Variants in RHBDD1 observed in about 807,000 individuals in gnomAD.
The protein encoded by RHBDD1 is rhomboid-related protein 4.
Under a neutral mutation model 36.3 loss-of-function variants are expected in RHBDD1, and 38 were observed. The ratio of observed to expected loss-of-function variants is 1.05; its 90% CI spans 0.81 to 1.37. The LOEUF (loss-of-function observed/expected upper bound fraction) is 1.37, where lower values mean the gene tolerates loss of function less well. RHBDD1 is among the 40% of genes most tolerant of loss of function. The pLI, the probability that RHBDD1 is intolerant of heterozygous loss-of-function variation, is 0.00. For missense variants in RHBDD1, 393 were observed against 377.6 expected, an observed-to-expected ratio of 1.04 and a Z score of -0.34; for synonymous variants, 151 against 136.5, an observed-to-expected ratio of 1.11 and a Z score of -0.74.
chr2:226,926,578 A>T (rs1949686282), intron 8 of RHBDD1, among the ~76,000 whole-genome samples: 1 of 152,052 alleles, frequency 6.6e-6, no homozygotes, highest in Admixed American at 6.6e-5. Context: ...GATTAATTGG[A>T]TTTGGGTTAC....
intron 8 of RHBDD1, among the ~76,000 whole-genome samples, chr2:226,929,265 A>C (rs1199976586): frequency 6.6e-6 from 1 of 152,138 alleles, no homozygotes; most frequent in Non-Finnish European, 1.5e-5. Context: ...AATGCTAGCA[A>C]ACTGAATCCA....
the RHBDD1 span, among the ~76,000 whole-genome samples, chr2:226,818,322 G>C: frequency 1.3e-5 from 2 of 150,248 alleles, no homozygotes; most frequent in African/African-American, 4.9e-5. Flanking sequence ...ACCACACCTG[G>C]CTAATTTTTT....
chr2:226,915,169 T>C (rs1466595730), intron 8 of RHBDD1, among the ~76,000 whole-genome samples: 6 of 152,034 alleles, frequency 3.9e-5, no homozygotes, highest in African/African-American at 1.4e-4. Flanking sequence ...AGCTAAGTGT[T>C]AGACGTAGGG....
rs1263041941 is a variant in RHBDD1 at position 226,914,207 on chromosome 2, G to T, written c.713-1G>T. 1 of 1,613,328 alleles carries T rather than the reference G, an allele frequency of 6.2e-7. No individual in the cohort carries two copies. The highest frequency in any genetic ancestry group is 2.2e-5 in the East Asian group (1 of 44,860). The stretch of plus-strand genomic sequence containing the variant: ...CTAGAACCTTTTCCTTGTGCCTTTA[G>T]GCAGCTCTGGATATCAGGATTATTA... On this transcript the variant is annotated splice_acceptor_variant, in intron 7 of 8. Coordinates refer to ENST00000392062, the MANE Select transcript of RHBDD1 (RefSeq NM_001167608.3). LOFTEE classifies it high-confidence loss of function.
intron 8 of RHBDD1, among the ~76,000 whole-genome samples, chr2:226,917,216 A>G (rs900769286): frequency 6.6e-6 from 1 of 152,142 alleles, no homozygotes; most frequent in Non-Finnish European, 1.5e-5. Flanking sequence ...CAGAGATTTC[A>G]GAAAGTCATC....
chr2:226,864,137 C>T (rs761157108), intron 3 of RHBDD1, among the ~76,000 whole-genome samples: 3 of 152,062 alleles, frequency 2.0e-5, no homozygotes, highest in Non-Finnish European at 4.4e-5. Context: ...AATGTATGCT[C>T]GTGTCTTAAA....
chr2:226,848,445 G>T (rs1346034045), intron 3 of RHBDD1, among the ~76,000 whole-genome samples: 2 of 152,206 alleles, frequency 1.3e-5, no homozygotes, highest in African/African-American at 4.8e-5. Flanking sequence ...CTAGTAGACA[G>T]TTGGGGGTGA....
chr2:226,807,126 T>C, the RHBDD1 span, among the ~76,000 whole-genome samples: 1 of 152,246 alleles, frequency 6.6e-6, no homozygotes, highest in Non-Finnish European at 1.5e-5. Flanking sequence ...GAACACTGAA[T>C]GTGATTCAGT....
chr2:226,851,453 C>T (rs1480252569), intron 3 of RHBDD1, among the ~76,000 whole-genome samples: 1 of 152,036 alleles, frequency 6.6e-6, no homozygotes, highest in Non-Finnish European at 1.5e-5. Context: ...ATATCCAGGA[C>T]CACAAATCTA....
intron 5 of RHBDD1, among the ~76,000 whole-genome samples, chr2:226,874,131 C>T (rs1357906527): frequency 6.6e-6 from 1 of 152,112 alleles, no homozygotes; most frequent in Non-Finnish European, 1.5e-5. Context: ...GTTCCACTCA[C>T]CTCCTACCAG....
At chr2:226,970,517 C>T (rs1953257159) in intron 8 of RHBDD1, among the ~76,000 whole-genome samples, 1 of 152,144 alleles carries the variant, frequency 6.6e-6, no homozygotes, top group Admixed American at 6.5e-5. Flanking sequence ...TGTTGGCTGC[C>T]AGAGGGCACG....
chr2:226,836,946 C>T (rs1408454287), intron 1 of RHBDD1, among the ~76,000 whole-genome samples: 1 of 152,156 alleles, frequency 6.6e-6, no homozygotes, highest in African/African-American at 2.4e-5. Context: ...TCTAAATAAT[C>T]CCAGGACGCT....
the RHBDD1 span, among the ~76,000 whole-genome samples, chr2:226,819,599 ACTTT>A: frequency 1.3e-5 from 2 of 152,164 alleles, no homozygotes; most frequent in Admixed American, 6.5e-5. Flanking sequence ...GAATCTCTGT[ACTTT>A]CTGTTTAATT....
At chr2:226,876,117 G>T (rs1259500249) in intron 5 of RHBDD1, among the ~76,000 whole-genome samples, 1 of 152,190 alleles carries the variant, frequency 6.6e-6, no homozygotes, top group Non-Finnish European at 1.5e-5. Flanking sequence ...AATCATAGAG[G>T]GCTTTGGATG....
intron 8 of RHBDD1, 95 bp from the exon 9 acceptor site, chr2:226,995,336 C>A: frequency 1.3e-6 from 1 of 743,316 alleles, no homozygotes; most frequent in Non-Finnish European, 2.4e-6. Flanking sequence ...ATGAAGATGA[C>A]ACCCAAGCTA....
chr2:226,814,684 A>AT, the RHBDD1 span, among the ~76,000 whole-genome samples: 23 of 152,344 alleles, frequency 1.5e-4, no homozygotes, highest in Non-Finnish European at 1.0e-4. Context: ...GTTGAAACAA[A>AT]TTGGATATTT....
chr2:226,883,553 G>C (rs1945957524), intron 5 of RHBDD1, among the ~76,000 whole-genome samples: 1 of 152,184 alleles, frequency 6.6e-6, no homozygotes, highest in South Asian at 2.1e-4. Flanking sequence ...TCTGGAATAA[G>C]GTTCACTACC....
chr2:226,987,660 G>A (rs1453154465), intron 8 of RHBDD1, among the ~76,000 whole-genome samples: 1 of 152,258 alleles, frequency 6.6e-6, no homozygotes, highest in Admixed American at 6.5e-5. Context: ...TACAGATGAG[G>A]GGCCTGAGGC....
intron 8 of RHBDD1, chr2:226,988,739 T>G (rs1361159479): frequency 2.2e-6 from 2 of 915,456 alleles, no homozygotes; most frequent in Non-Finnish European, 2.6e-6. Context: ...TATTAAGAGA[T>G]AGAACGAGCA....
Sources: allele counts gnomAD v4.1 joint callset (sites outside exome capture counted in the v4.1 genomes callset), GRCh38; gene constraint gnomAD v4.1.1; transcripts MANE v1.5; gene names NCBI Gene and HGNC (gene_info 2026-07-23, HGNC 2026-07-21).